Variants in SEC24A observed in about 807,000 individuals in gnomAD.
SEC24A encodes SEC24 homolog A, COPII component.
In SEC24A, 93 loss-of-function variants were observed where a neutral mutation model predicts 129.4. The observed-to-expected ratio is 0.72, with a 90% confidence interval of 0.61 to 0.85. The LOEUF (loss-of-function observed/expected upper bound fraction) is 0.85, where lower values mean the gene tolerates loss of function less well. Among genes scored for constraint, SEC24A ranks in the 40% least tolerant of loss-of-function variants. The pLI, the probability that SEC24A is intolerant of heterozygous loss-of-function variation, is 0.00. For missense variants in SEC24A, 1,264 were observed against 1,307.4 expected (o/e 0.97, Z 0.51); for synonymous variants, 460 against 467.3 (o/e 0.98, Z 0.20).
chr5:134,671,185 G>T (rs994959427), intron 3 of SEC24A, among the ~76,000 whole-genome samples: 1 of 151,838 alleles, frequency 6.6e-6, no homozygotes, highest in Non-Finnish European at 1.5e-5. Context: ...CTGATTACAG[G>T]CATGTGCTGA....
chr5:134,669,802 TAG>T (rs1288495677), intron 3 of SEC24A, among the ~76,000 whole-genome samples: 1 of 151,886 alleles, frequency 6.6e-6, no homozygotes, highest in Non-Finnish European at 1.5e-5. Flanking sequence ...TTTTAAGAGA[TAG>T]AGTTTACTCT....
chr5:134,659,804 C>T (rs976225481), intron 1 of SEC24A, among the ~76,000 whole-genome samples: 1 of 152,008 alleles, frequency 6.6e-6, no homozygotes, highest in African/African-American at 2.4e-5. Context: ...AGGCAGGCGC[C>T]ACCACACCCA....
In SEC24A at chr5:134,697,189, C is replaced by T; in HGVS notation, c.2050C>T (p.Gln684Ter). 1 of 1,604,542 alleles carries T rather than the reference C, an allele frequency of 6.2e-7. No individual in the cohort carries two copies. The highest frequency in any genetic ancestry group is 8.5e-7 in the Non-Finnish European group (1 of 1,172,552). The change falls in exon 14 of 23, where the codon CAA becomes TAA. Residue 684 changes from glutamine (Q) to a stop codon, truncating the protein, a stop_gained. Transcript: ENST00000398844. LOFTEE classifies it high-confidence loss of function. The part of the protein sequence containing the change: ...KKLALDCSGQ[Q>*]VAVDLFLLSG... ...ATTAGCCTTGGACTGTTCTGGTCAG[C>T]AAGTTGCTGTTGACTTATTCCTTCT...
intron 22 of SEC24A, among the ~76,000 whole-genome samples, chr5:134,724,311 G>T (rs140636147): frequency 6.6e-6 from 1 of 152,120 alleles, no homozygotes; most frequent in East Asian, 1.9e-4. Context: ...TGAAGTCGCC[G>T]GGCGCGGTGG....
In SEC24A at chr5:134,697,140, A is replaced by G. The variant is rs1751853358; in HGVS notation, c.2001A>G (p.Thr667=). 6.5e-7 allele frequency: 1 copy of G among 1,533,390 alleles called. No individual in the cohort carries two copies. The highest frequency in any genetic ancestry group is 1.2e-5 in the South Asian group (1 of 85,584). The allele number at this position is 1,533,390 out of a possible 1,614,324, so 95.0% of individuals were successfully genotyped here. A position where few individuals can be genotyped will look rare whatever the true frequency, so the allele number is the denominator to read the frequency against. The change falls in exon 14 of 23, where the codon ACA becomes ACG. Residue 667 remains threonine, a synonymous_variant. Coordinates refer to ENST00000398844, the MANE Select transcript of SEC24A (RefSeq NM_021982.3). ...ATTATAAATAGGATATACACATGAC[A>G]CCATCCACTGACTTCTATAAGAAAT... is the stretch of plus-strand genomic sequence containing the variant. The part of the protein sequence containing the change: ...HRSSAKDIHM[T]PSTDFYKKLA...
At chr5:134,714,560 C>T (rs780977887) in intron 18 of SEC24A, among the ~76,000 whole-genome samples, 1 of 152,218 alleles carries the variant, frequency 6.6e-6, no homozygotes, top group Non-Finnish European at 1.5e-5. Flanking sequence ...ACCATGTCCC[C>T]ACCAGTCTGT....
At chr5:134,722,919 C>A (rs542798269) in intron 21 of SEC24A, among the ~76,000 whole-genome samples, 3 of 151,272 alleles carry the variant, frequency 2.0e-5, no homozygotes, top group Non-Finnish European at 4.4e-5. Flanking sequence ...TTTGGGAGGC[C>A]GAGGTGGGCA....
chr5:134,690,175 C>T (rs1444312915), intron 11 of SEC24A, among the ~76,000 whole-genome samples: 11 of 152,288 alleles, frequency 7.2e-5, no homozygotes, highest in African/African-American at 2.4e-4. Context: ...CGTGCCACCA[C>T]GCCCAGCTAA....
At chr5:134,660,888 G>A (rs983090912) in intron 1 of SEC24A, among the ~76,000 whole-genome samples, 1 of 152,038 alleles carries the variant, frequency 6.6e-6, no homozygotes, top group African/African-American at 2.4e-5. Flanking sequence ...TTTCTGTTAT[G>A]ACTAATTATG....
At chr5:134,661,846 G>T in intron 2 of SEC24A, among the ~76,000 whole-genome samples, 1 of 145,460 alleles carries the variant, frequency 6.9e-6, no homozygotes, top group Admixed American at 6.9e-5. Flanking sequence ...TTTTGAGATG[G>T]GGTCTTGCTC....
rs552993618 is a variant in SEC24A, at chr5:134,702,910, G to A, written c.2267-849G>A. 6.6e-5 allele frequency among the ~76,000 whole-genome samples: 10 copies of A among 151,854 alleles called. No homozygotes were observed. The East Asian group carries it at 1.4e-3, about 21-fold the overall frequency. On this transcript the variant is annotated intron_variant, in intron 15 of 22. Coordinates refer to ENST00000398844, the MANE Select transcript of SEC24A (RefSeq NM_021982.3). The stretch of plus-strand genomic sequence containing the variant: ...CTCCCGAGTAGCTGGGACTACAGGC[G>A]TGTGCCACCATGCCCGGCTAATTTT...
In SEC24A at chr5:134,693,756, A is replaced by G. The variant is rs768705108; in HGVS notation, c.1809A>G (p.Pro603=). ...TGCAAGATTTACTGAAAACTTTGCC[A>G]CAAATGTTTACCAAGACTCTGGAGA... The part of the protein sequence containing the change: ...ELVQDLLKTL[P]QMFTKTLETQ... Residue 603 remains proline (P), a synonymous_variant, in exon 13 of 23, where the codon CCA becomes CCG. Transcript: ENST00000398844. The G allele has an allele frequency of 6.2e-7, 1 of 1,614,020 alleles. No homozygotes were observed. Among genetic ancestry groups the G allele is most frequent in the Non-Finnish European group, 8.5e-7 (1 of 1,179,950 alleles).
intron 1 of SEC24A, among the ~76,000 whole-genome samples, chr5:134,660,270 A>T (rs964282207): frequency 6.6e-6 from 1 of 151,604 alleles, no homozygotes; most frequent in African/African-American, 2.4e-5. Flanking sequence ...GGAGGCTTAG[A>T]TGGGAGGATC....
At chr5:134,660,721 A>C (rs550068970) in intron 1 of SEC24A, among the ~76,000 whole-genome samples, 16 of 151,440 alleles carry the variant, frequency 1.1e-4, no homozygotes, top group Non-Finnish European at 1.9e-4. Flanking sequence ...AAGGCTGGCT[A>C]CTTTTTGTTT....
chr5:134,698,070 T>C lies in SEC24A; in HGVS notation c.2266+13T>C. The C allele has an allele frequency of 6.3e-7, 1 of 1,599,448 alleles. No individual in the cohort carries two copies. Among genetic ancestry groups the C allele is most frequent in the Non-Finnish European group, 8.5e-7 (1 of 1,175,604 alleles). ...CGGTGCACCAAAGGTAGGAATATTT[T>C]TTTTTTGCGTAGGACTGAATAATAT... is the stretch of plus-strand genomic sequence containing the variant. On this transcript the variant is annotated intron_variant, in intron 15 of 22. Transcript: ENST00000398844.
chr5:134,715,491 T>C (rs1036307063), intron 19 of SEC24A: 2 of 211,274 alleles, frequency 9.5e-6, no homozygotes, highest in African/African-American at 4.7e-5. Flanking sequence ...TTTTGCTCGC[T>C]TCAGCAGCAA....
chr5:134,659,811 C>A (rs1353294530), intron 1 of SEC24A, among the ~76,000 whole-genome samples: 1 of 152,014 alleles, frequency 6.6e-6, no homozygotes, highest in Non-Finnish European at 1.5e-5. Flanking sequence ...CGCCACCACA[C>A]CCAACTAATT....
chr5:134,691,360 G>A (rs1027443113), intron 11 of SEC24A, among the ~76,000 whole-genome samples: 31 of 149,492 alleles, frequency 2.1e-4, no homozygotes, highest in Non-Finnish European at 4.0e-4. Flanking sequence ...GTAGAGACAG[G>A]GTTTCACCAT....
chr5:134,697,890 C>G lies in SEC24A; in HGVS notation c.2108-9C>G. 1.2e-6 allele frequency: 2 copies of G among 1,607,130 alleles called. No individual in the cohort carries two copies. Among genetic ancestry groups the G allele is most frequent in the Non-Finnish European group, 8.5e-7 (1 of 1,177,782 alleles). On this transcript the variant is annotated splice_polypyrimidine_tract_variant and intron_variant, in intron 14 of 22. Coordinates refer to ENST00000398844, the MANE Select transcript of SEC24A (RefSeq NM_021982.3). ...GGCACAGTTTAAAACAGTGTGTGTT[C>G]TCTTCCAGGTTGTATTTCTCGGTAT... is the stretch of plus-strand genomic sequence containing the variant.
Sources: gnomAD v4.1 joint callset for allele counts (sites outside exome capture counted in the v4.1 genomes callset) on GRCh38, gnomAD v4.1.1 for gene constraint, MANE v1.5 for transcripts, NCBI Gene and HGNC (gene_info 2026-07-23, HGNC 2026-07-21) for gene names.